RGS3: variants seen among roughly 807,000 people sequenced by gnomAD.
RGS3 encodes the protein regulator of G protein signaling 3.
Under a neutral mutation model 132.6 loss-of-function variants are expected in RGS3, and 80 were observed. The ratio of observed to expected loss-of-function variants is 0.60; its 90% CI spans 0.50 to 0.73. The LOEUF is 0.73. Ranked by LOEUF, RGS3 falls within the 30% of genes least tolerant of loss-of-function variation. The probability of loss-of-function intolerance (pLI) is 0.00; values close to 1 mark genes in which losing one functional copy is unlikely to be tolerated. For missense variants in RGS3, 1,382 were observed against 1,530.8 expected, an observed-to-expected ratio of 0.90 and a Z score of 1.62; for synonymous variants, 598 against 620.6, an observed-to-expected ratio of 0.96 and a Z score of 0.54.
chr9:113,471,227 G>A (rs1829819460), intron 3 of RGS3, among the ~76,000 whole-genome samples: 1 of 151,856 alleles, frequency 6.6e-6, no homozygotes, highest in Non-Finnish European at 1.5e-5. Flanking sequence ...CTATGCAAAA[G>A]GTGGGGCTCA....
chr9:113,571,295 G>A (rs745454554), intron 19 of RGS3, among the ~76,000 whole-genome samples: 1 of 152,192 alleles, frequency 6.6e-6, no homozygotes, highest in East Asian at 1.9e-4. Flanking sequence ...TCATAGAGTT[G>A]TAGAGAGTTA....
intron 19 of RGS3, chr9:113,541,206 C>T (rs1588223684): frequency 9.0e-7 from 1 of 1,110,684 alleles, no homozygotes; most frequent in East Asian, 2.5e-5. Flanking sequence ...AGAGACAGCC[C>T]TGGAGATGCC....
intron 5 of RGS3, 124 bp downstream of exon 3, chr9:113,483,241 A>C: frequency 1.4e-6 from 1 of 695,258 alleles, no homozygotes. Context: ...CATCTCACTC[A>C]TCTTCTCAAT....
At chr9:113,452,486 G>A (rs781175543) in intron 1 of RGS3, among the ~76,000 whole-genome samples, 2 of 150,068 alleles carry the variant, frequency 1.3e-5, no homozygotes, top group African/African-American at 4.9e-5. Context: ...TGATCATGAT[G>A]TACTTTTAGG....
At chr9:113,580,981 C>G in intron 19 of RGS3, 1 of 978,970 alleles carries the variant, frequency 1.0e-6, no homozygotes, top group African/African-American at 1.8e-5. Flanking sequence ...TGCTTCCTTC[C>G]GTCTTTCCCC....
At chr9:113,452,378 T>A (rs1829263533) in intron 1 of RGS3, among the ~76,000 whole-genome samples, 1 of 152,060 alleles carries the variant, frequency 6.6e-6, no homozygotes, top group South Asian at 2.1e-4. Flanking sequence ...AGACGTCTGA[T>A]GTCATTCTTA....
At chr9:113,480,901 G>A (rs1830139204) in intron 4 of RGS3, among the ~76,000 whole-genome samples, 1 of 152,172 alleles carries the variant, frequency 6.6e-6, no homozygotes, top group African/African-American at 2.4e-5. Context: ...AGCCCAGAAG[G>A]CCCTGTCTAT....
Position 113,485,834 on chromosome 9 carries a change from C to T in RGS3, c.689+141C>T. ...GGCAATACTAAATTGCAGAGGCTGC[C>T]CCTCCTTGAGTCTCCATCATTCCAG... On this transcript the variant is annotated intron_variant, in intron 7 of 24. Transcript: ENST00000350696. 5 of 619,580 alleles carry T rather than the reference C, an allele frequency of 8.1e-6. No homozygotes were observed. In the South Asian group the frequency reaches 9.6e-5, roughly 12 times the overall value. The allele number at this position is 619,580 out of a possible 1,614,324, so 38.4% of individuals were successfully genotyped here.
At chr9:113,474,387 T>C (rs1829927887) in intron 3 of RGS3, among the ~76,000 whole-genome samples, 1 of 152,340 alleles carries the variant, frequency 6.6e-6, no homozygotes, top group South Asian at 2.1e-4. Flanking sequence ...TCCATAGAGC[T>C]GTGTGGCTGC....
intron 1 of RGS3, among the ~76,000 whole-genome samples, chr9:113,445,174 A>C (rs1208195155): frequency 6.6e-6 from 1 of 150,950 alleles, no homozygotes; most frequent in Non-Finnish European, 1.5e-5. Context: ...TTGGGTTACC[A>C]TAATTTTCTT....
At position 113,515,142 on chromosome 9, in the gene RGS3, A is replaced by G. The variant is rs570811214; in HGVS notation, c.1674+488A>G. ...AGATCGCTCTTATTCTCCAACGTCA[A>G]ACAAAGTGCTTGAAGAAAGATAATG... On this transcript the variant is annotated intron_variant, in intron 15 of 24. Transcript: ENST00000350696. 2.0e-5 allele frequency among the ~76,000 whole-genome samples: 3 copies of G among 152,306 alleles called. No homozygotes were observed. In the East Asian group the frequency reaches 5.8e-4, roughly 29 times the overall value.
Position 113,507,232 on chromosome 9 carries a change from G to A in RGS3, c.1086-55G>A. ...CTCTGCCCTGTGGGCCCTCACTCTG[G>A]CTGATACTGGCTTTCCCCAGGCTCA... On this transcript the variant is annotated intron_variant, in intron 12 of 24. Coordinates refer to ENST00000350696, the Ensembl canonical transcript of RGS3. This position sits in a 1 kb window ranked among gnomAD's most constrained non-coding sequence, Gnocchi z 5.0. The A allele has an allele frequency of 6.9e-7, 1 of 1,449,614 alleles. No individual in the cohort carries two copies. The highest frequency in any genetic ancestry group is 2.0e-5 in the Admixed American group (1 of 50,396). The allele number at this position is 1,449,614 out of a possible 1,614,324, so 89.8% of individuals were successfully genotyped here.
At chr9:113,542,291 G>A (rs538181500) in intron 19 of RGS3, among the ~76,000 whole-genome samples, 1 of 152,306 alleles carries the variant, frequency 6.6e-6, no homozygotes, top group East Asian at 1.9e-4. Context: ...CAGTGTGGCT[G>A]GAGCTTAGTG....
At chr9:113,511,964 C>A (rs2119353102) in intron 14 of RGS3, among the ~76,000 whole-genome samples, 1 of 152,274 alleles carries the variant, frequency 6.6e-6, no homozygotes, top group African/African-American at 2.4e-5. Context: ...AGGTGGATTA[C>A]TTGGAGGCTT....
upstream of RGS3, among the ~76,000 whole-genome samples, chr9:113,456,694 T>G (rs958973088): frequency 2.0e-5 from 3 of 151,966 alleles, no homozygotes; most frequent in Non-Finnish European, 4.4e-5. Flanking sequence ...CTTTCTAAAA[T>G]GTGAATTAAA....
intron 4 of RGS3, among the ~76,000 whole-genome samples, chr9:113,480,766 G>A (rs187985647): frequency 3.0e-4 from 46 of 152,340 alleles, no homozygotes; most frequent in African/African-American, 9.6e-4. Flanking sequence ...AGCATGGCTG[G>A]AGCACAGCAC....
intron 7 of RGS3, among the ~76,000 whole-genome samples, chr9:113,488,726 C>T (rs948202775): frequency 6.6e-6 from 1 of 152,236 alleles, no homozygotes; most frequent in African/African-American, 2.4e-5. Context: ...GCCAAACTCA[C>T]GGTCACAGTC....
At chr9:113,547,202 A>C (rs1453424785) in intron 19 of RGS3, among the ~76,000 whole-genome samples, 1 of 152,192 alleles carries the variant, frequency 6.6e-6, no homozygotes. Flanking sequence ...AAGCCTCGGT[A>C]CTCTAATACC....
chr9:113,494,862 A>ATTCTTC (rs149529317), intron 7 of RGS3, among the ~76,000 whole-genome samples: 1,713 of 151,634 alleles, frequency 0.011, 31 homozygotes, highest in African/African-American at 0.04. Flanking sequence ...GGAACTCTGA[A>ATTCTTC]TTCTTCTTCT....
Sources: allele counts gnomAD v4.1 joint callset (sites outside exome capture counted in the v4.1 genomes callset), GRCh38; gene constraint gnomAD v4.1.1; non-coding constraint Gnocchi (gnomAD v3.1); transcripts MANE v1.5; gene names NCBI Gene and HGNC (gene_info 2026-07-23, HGNC 2026-07-21).